Variants in DLGAP4 observed in about 807,000 individuals in gnomAD.
The protein encoded by DLGAP4 is disks large-associated protein 4.
DLGAP4 carries 18 observed loss-of-function variants against 86.9 expected under a neutral mutation model. That is an observed-to-expected ratio of 0.21 (90% CI 0.14 to 0.31). The LOEUF is 0.31. Among genes scored for constraint, DLGAP4 ranks in the 10% least tolerant of loss-of-function variants. The probability of loss-of-function intolerance (pLI) is 1.00; values close to 1 mark genes in which losing one functional copy is unlikely to be tolerated. For synonymous variants in DLGAP4, 548 were observed against 574.3 expected (o/e 0.95, Z 0.65); for missense variants, 1,085 against 1,362.6 (o/e 0.80, Z 3.21).
chr20:36,435,779 C>T (rs2033256614), intron 3 of DLGAP4, among the ~76,000 whole-genome samples: 2 of 152,208 alleles, frequency 1.3e-5, no homozygotes, highest in South Asian at 2.1e-4. Flanking sequence ...TCATAAGCAT[C>T]CCCTGAGAGT....
At chr20:36,312,565 C>A (rs2065062848) in intron 1 of DLGAP4, among the ~76,000 whole-genome samples, 1 of 152,076 alleles carries the variant, frequency 6.6e-6, no homozygotes, top group African/African-American at 2.4e-5. Flanking sequence ...CAGGTTCTGT[C>A]TTTGATGATG....
chr20:36,510,703 G>A (rs892093435), intron 10 of DLGAP4, among the ~76,000 whole-genome samples: 3 of 151,972 alleles, frequency 2.0e-5, no homozygotes, highest in African/African-American at 7.3e-5. Flanking sequence ...GAGCCACTGC[G>A]CCCAGCTGAC....
intron 7 of DLGAP4, among the ~76,000 whole-genome samples, chr20:36,467,225 G>A (rs933645995): frequency 2.6e-5 from 4 of 152,168 alleles, no homozygotes; most frequent in South Asian, 2.1e-4. Context: ...GTAATTAAGC[G>A]TCTGCTGAGG....
At chr20:36,407,396 A>G (rs1173039263) in intron 2 of DLGAP4, among the ~76,000 whole-genome samples, 1 of 152,070 alleles carries the variant, frequency 6.6e-6, no homozygotes, top group Non-Finnish European at 1.5e-5. Flanking sequence ...TCATCCATTC[A>G]TTCACCAGGC....
intron 7 of DLGAP4, among the ~76,000 whole-genome samples, chr20:36,478,569 A>G (rs1166186398): frequency 3.9e-5 from 6 of 152,152 alleles, no homozygotes; most frequent in African/African-American, 1.2e-4. Flanking sequence ...TGGCCTCGGG[A>G]TGTTTATGAG....
intron 2 of DLGAP4, among the ~76,000 whole-genome samples, chr20:36,377,703 C>T (rs1209252877): frequency 6.6e-6 from 1 of 152,132 alleles, no homozygotes. Flanking sequence ...ATTTCCAGAC[C>T]CTTCTGGGCC....
At chr20:36,348,543 C>G (rs902671498) in intron 1 of DLGAP4, among the ~76,000 whole-genome samples, 1 of 151,942 alleles carries the variant, frequency 6.6e-6, no homozygotes, top group East Asian at 1.9e-4. Flanking sequence ...CTCAGCCTCC[C>G]GAGTAGTTGG....
At chr20:36,490,564 G>T (rs973729564) in intron 7 of DLGAP4, among the ~76,000 whole-genome samples, 1 of 152,186 alleles carries the variant, frequency 6.6e-6, no homozygotes, top group South Asian at 2.1e-4. Flanking sequence ...CCTTTCTCTG[G>T]GGTCAGCTTC....
chr20:36,392,532 G>A (rs775062102), intron 2 of DLGAP4, among the ~76,000 whole-genome samples: 13 of 117,988 alleles, frequency 1.1e-4, no homozygotes, highest in Non-Finnish European at 2.3e-4. Flanking sequence ...CACCACGCCC[G>A]GCTAATTTTT....
At chr20:36,351,992 A>T (rs2030170800) in intron 1 of DLGAP4, among the ~76,000 whole-genome samples, 1 of 152,200 alleles carries the variant, frequency 6.6e-6, no homozygotes. Context: ...AAGCCCAGGC[A>T]GGTGAGACAG....
At chr20:36,491,182 ACT>A (rs2035647950) in intron 7 of DLGAP4, among the ~76,000 whole-genome samples, 1 of 151,172 alleles carries the variant, frequency 6.6e-6, no homozygotes, top group African/African-American at 2.4e-5. Flanking sequence ...ACAGAACAAG[ACT>A]CTGTCTCAAA....
chr20:36,497,539 C>G, intron 8 of DLGAP4: 2 of 991,436 alleles, frequency 2.0e-6, no homozygotes, highest in African/African-American at 1.7e-5. Context: ...GACCCAGGGC[C>G]CTTGAGCCAT....
chr20:36,472,677 ACT>A (rs930026574), intron 7 of DLGAP4, among the ~76,000 whole-genome samples: 18 of 152,106 alleles, frequency 1.2e-4, no homozygotes, highest in African/African-American at 4.1e-4. Flanking sequence ...CTAGTCCTTA[ACT>A]CTCAACATCT....
In DLGAP4 at chr20:36,398,398, G is replaced by A. The variant is rs145970285; in HGVS notation, c.-73+31123G>A. On this transcript the variant is annotated intron_variant, in intron 2 of 12. Transcript: ENST00000339266. ...ATGGGCAAAGGCATGGAGGTATGGAGTAACTCTTGGCAAAAATGGAAACAC... is the reference window on the plus strand; with the variant it reads ...ATGGGCAAAGGCATGGAGGTATGGAATAACTCTTGGCAAAAATGGAAACAC... 2.7e-3 allele frequency among the ~76,000 whole-genome samples: 406 copies of A among 152,314 alleles called. 4 individuals carry two copies. The highest frequency in any genetic ancestry group is 7.1e-3 in the African/African-American group (294 of 41,568).
intron 11 of DLGAP4, 134 bp from the exon 12 acceptor site, chr20:36,525,717 T>C (rs780290898): frequency 3.4e-5 from 41 of 1,191,090 alleles, no homozygotes; most frequent in Non-Finnish European, 4.5e-5. Context: ...ATACAGATAC[T>C]TACCCAGACA....
intron 2 of DLGAP4, among the ~76,000 whole-genome samples, chr20:36,419,100 C>T (rs1369487175): frequency 1.3e-5 from 2 of 151,934 alleles, no homozygotes; most frequent in African/African-American, 2.4e-5. Context: ...TGGGTAGATT[C>T]GTGACCTATT....
intron 2 of DLGAP4, among the ~76,000 whole-genome samples, chr20:36,399,431 T>A (rs1011027725): frequency 6.6e-6 from 1 of 152,140 alleles, no homozygotes; most frequent in East Asian, 1.9e-4. Flanking sequence ...AAAAATAAGA[T>A]CATGCCTGCT....
At chr20:36,401,818 G>T (rs991855823) in intron 2 of DLGAP4, among the ~76,000 whole-genome samples, 2 of 152,228 alleles carry the variant, frequency 1.3e-5, no homozygotes, top group African/African-American at 4.8e-5. Flanking sequence ...GAAGGATCAG[G>T]GAAGGCCTCC....
intron 1 of DLGAP4, among the ~76,000 whole-genome samples, chr20:36,334,975 A>G (rs1237745958): frequency 6.6e-6 from 1 of 152,158 alleles, no homozygotes; most frequent in Non-Finnish European, 1.5e-5. Context: ...ATTCTCCGAC[A>G]GTCATACTGC....
Sources: gnomAD v4.1 joint callset for allele counts (sites outside exome capture counted in the v4.1 genomes callset) on GRCh38, gnomAD v4.1.1 for gene constraint, MANE v1.5 for transcripts, NCBI Gene and HGNC (gene_info 2026-07-23, HGNC 2026-07-21) for gene names.